The following TBC1D5 variants were observed in gnomAD, a reference collection of about 807,000 sequenced individuals.
TBC1D5 encodes the protein TBC1 domain family, member 5.
TBC1D5 carries 75 observed loss-of-function variants against 100.3 expected under a neutral mutation model. That is an observed-to-expected ratio of 0.75 (90% confidence interval 0.62 to 0.91). The LOEUF is 0.91. Ranked by LOEUF, TBC1D5 falls within the 40% of genes least tolerant of loss-of-function variation. The pLI is 0.00. For missense variants in TBC1D5, 910 were observed against 942.4 expected, an observed-to-expected ratio of 0.97 and a Z score of 0.45; for synonymous variants, 323 against 325.6, an observed-to-expected ratio of 0.99 and a Z score of 0.09.
chr3:17,307,343 A>T (rs2150528943), intron 14 of TBC1D5, among the ~76,000 whole-genome samples: 2 of 152,284 alleles, frequency 1.3e-5, no homozygotes, highest in Non-Finnish European at 2.9e-5. Flanking sequence ...GACAGAAAAC[A>T]ATTTTGAAGT....
intron 8 of TBC1D5, among the ~76,000 whole-genome samples, chr3:17,395,602 AC>A (rs888526455): frequency 1.6e-4 from 25 of 152,082 alleles, no homozygotes; most frequent in Admixed American, 2.0e-4. Flanking sequence ...TAAATCTACA[AC>A]TATAAATAGT....
intron 17 of TBC1D5, among the ~76,000 whole-genome samples, chr3:17,235,999 G>C (rs1015630691): frequency 6.6e-6 from 1 of 152,038 alleles, no homozygotes; most frequent in African/African-American, 2.4e-5. Context: ...TCAGCACAGG[G>C]ATCAGTTAAA....
In TBC1D5 at chr3:17,601,279, G is replaced by A. The variant is rs543490580; in HGVS notation, c.-36+22570C>T. Reference sequence around the variant, plus strand: ...TAATCCCAGCACTTTGGGAGGCCCAGGCGGGTGGATCACCTGAGGTCGGGA... The same window carrying A: ...TAATCCCAGCACTTTGGGAGGCCCAAGCGGGTGGATCACCTGAGGTCGGGA... On this transcript the variant is annotated intron_variant, in intron 2 of 21. Transcript: ENST00000253692. Among the ~76,000 whole-genome samples the A allele has an allele frequency of 4.9e-3, 746 of 152,340 alleles. 7 individuals carry two copies. The highest frequency in any genetic ancestry group is 0.015 in the South Asian group (74 of 4,828).
At chr3:17,491,533 T>C (rs2095639866) in intron 3 of TBC1D5, among the ~76,000 whole-genome samples, 1 of 152,220 alleles carries the variant, frequency 6.6e-6, no homozygotes, top group African/African-American at 2.4e-5. Flanking sequence ...TTCAATTTTA[T>C]TGAAGGCCTT....
At chr3:17,701,890 C>A (rs2073271743) in intron 1 of TBC1D5, among the ~76,000 whole-genome samples, 1 of 150,426 alleles carries the variant, frequency 6.6e-6, no homozygotes. Context: ...GCTAGATGTA[C>A]TATAAATAAA....
chr3:17,735,714 C>A (rs959791622), intron 1 of TBC1D5, among the ~76,000 whole-genome samples: 1 of 152,200 alleles, frequency 6.6e-6, no homozygotes, highest in Non-Finnish European at 1.5e-5. Flanking sequence ...GTCTTTAGCC[C>A]GATCAGGAGC....
chr3:17,679,049 G>C (rs1043974660), intron 1 of TBC1D5, among the ~76,000 whole-genome samples: 2 of 148,208 alleles, frequency 1.3e-5, no homozygotes, highest in African/African-American at 2.6e-5. Context: ...CCTTTCCTAG[G>C]GCCTATTTCC....
chr3:17,736,016 A>G (rs1306973622), intron 1 of TBC1D5, among the ~76,000 whole-genome samples: 2 of 152,170 alleles, frequency 1.3e-5, no homozygotes, highest in Non-Finnish European at 2.9e-5. Context: ...CTCTCAGGCA[A>G]TATACGATTT....
At chr3:17,173,721 T>C (rs995651207) in intron 19 of TBC1D5, among the ~76,000 whole-genome samples, 4 of 152,204 alleles carry the variant, frequency 2.6e-5, no homozygotes, top group African/African-American at 9.7e-5. Flanking sequence ...TCATCTCTGA[T>C]AGGAATTTAG....
intron 8 of TBC1D5, 67 bp downstream of exon 8, chr3:17,403,114 G>A (rs1367999020): frequency 2.6e-5 from 35 of 1,368,640 alleles, no homozygotes; most frequent in Middle Eastern, 2.1e-4. Context: ...TTTGTGTTTT[G>A]TTAAAATTAG....
chr3:17,587,225 C>T (rs1462782811), intron 2 of TBC1D5, among the ~76,000 whole-genome samples: 4 of 151,880 alleles, frequency 2.6e-5, no homozygotes, highest in African/African-American at 4.8e-5. Context: ...AATTTCTCAA[C>T]TGGGCTATCT....
At position 17,527,863 on chromosome 3, in the gene TBC1D5, G is replaced by A. The variant is rs546312051; in HGVS notation, c.-35-19258C>T. Among the ~76,000 whole-genome samples, 276 of 152,236 alleles carry A rather than the reference G, an allele frequency of 1.8e-3. 2 individuals are homozygous for A. Among genetic ancestry groups the A allele is most frequent in the Non-Finnish European group, 2.8e-3 (189 of 67,986 alleles). ...CACAAAATAAGCACATAAGCAAAAT[G>A]AGACAATCATATAATAATACACAAT... On this transcript the variant is annotated intron_variant, in intron 2 of 21. Coordinates refer to ENST00000253692, the Ensembl canonical transcript of TBC1D5.
intron 3 of TBC1D5, among the ~76,000 whole-genome samples, chr3:17,435,915 T>G (rs967044988): frequency 2.6e-5 from 4 of 152,176 alleles, no homozygotes; most frequent in Non-Finnish European, 5.9e-5. Context: ...GATCACTATA[T>G]GAGGACTGCA....
At chr3:17,721,459 ATGTGTGTGTG>A (rs59017875) in intron 1 of TBC1D5, among the ~76,000 whole-genome samples, 3 of 148,946 alleles carry the variant, frequency 2.0e-5, no homozygotes, top group Non-Finnish European at 4.5e-5. Flanking sequence ...GTGTGAGAGC[ATGTGTGTGTG>A]TGTGTGTGTG....
At chr3:17,430,989 G>T (rs2094438257) in intron 3 of TBC1D5, among the ~76,000 whole-genome samples, 1 of 151,806 alleles carries the variant, frequency 6.6e-6, no homozygotes, top group Admixed American at 6.6e-5. Context: ...TGTAACACCA[G>T]AAAACAACTT....
At chr3:17,381,760 G>C (rs1483160963) in intron 9 of TBC1D5, among the ~76,000 whole-genome samples, 3 of 151,638 alleles carry the variant, frequency 2.0e-5, no homozygotes, top group Non-Finnish European at 4.4e-5. Flanking sequence ...GCCTTTCCTA[G>C]TCTGAGATTA....
At chr3:17,397,919 T>C (rs537067891) in intron 8 of TBC1D5, among the ~76,000 whole-genome samples, 13 of 152,194 alleles carry the variant, frequency 8.5e-5, no homozygotes, top group Admixed American at 5.2e-4. Flanking sequence ...GAAAACACAT[T>C]TGAAGAAAAG....
intron 3 of TBC1D5, among the ~76,000 whole-genome samples, chr3:17,446,981 A>G (rs1361704256): frequency 2.0e-5 from 3 of 152,090 alleles, no homozygotes; most frequent in Non-Finnish European, 4.4e-5. Context: ...AAAAAAAAAA[A>G]AGACCACATT....
chr3:17,477,385 G>A (rs997737208), intron 3 of TBC1D5, among the ~76,000 whole-genome samples: 35 of 152,002 alleles, frequency 2.3e-4, no homozygotes, highest in African/African-American at 7.9e-4. Flanking sequence ...TACCAGTCAC[G>A]TAATATAAAT....
Sources: gnomAD v4.1 joint callset for allele counts (sites outside exome capture counted in the v4.1 genomes callset) on GRCh38, gnomAD v4.1.1 for gene constraint, MANE v1.5 for transcripts, NCBI Gene and HGNC (gene_info 2026-07-23, HGNC 2026-07-21) for gene names.